The following GOSR1 variants were observed in gnomAD, a reference collection of about 807,000 sequenced individuals.
GOSR1 encodes the protein 28 kDa Golgi SNARE protein.
A neutral mutation model predicts 35.5 loss-of-function variants in GOSR1; 21 were observed. The observed-to-expected ratio is 0.59, with a 90% CI of 0.42 to 0.85. The LOEUF (loss-of-function observed/expected upper bound fraction) is 0.85, where lower values mean the gene tolerates loss of function less well. Among genes scored for constraint, GOSR1 ranks in the 40% least tolerant of loss-of-function variants. The pLI is 0.00. For missense variants in GOSR1, 285 were observed against 309.6 expected (o/e 0.92, Z 0.60); for synonymous variants, 94 against 106.6 (o/e 0.88, Z 0.73).
At chr17:30,498,575 C>A (rs1450445922) in intron 6 of GOSR1, among the ~76,000 whole-genome samples, 1 of 152,120 alleles carries the variant, frequency 6.6e-6, no homozygotes, top group African/African-American at 2.4e-5. Context: ...AGGTGTTCTC[C>A]AAGTAGAGAT....
intron 7 of GOSR1, among the ~76,000 whole-genome samples, chr17:30,512,329 C>A (rs1967644976): frequency 6.6e-6 from 1 of 152,084 alleles, no homozygotes; most frequent in Non-Finnish European, 1.5e-5. Context: ...CCAATCCTTT[C>A]TTTTTTAGCT....
At chr17:30,501,131 C>T (rs1308265193) in intron 6 of GOSR1, among the ~76,000 whole-genome samples, 6 of 152,046 alleles carry the variant, frequency 3.9e-5, no homozygotes, top group African/African-American at 7.2e-5. Flanking sequence ...CCGCCCGCCT[C>T]GGCCTCCCAA....
At position 30,519,935 on chromosome 17, in the gene GOSR1, G is replaced by A; in HGVS notation, c.540-4G>A. The A allele has an allele frequency of 6.4e-7, 1 of 1,574,202 alleles. No individual in the cohort carries two copies. ...TGATTTGTCATCTTTTTTTCCCCTT[G>A]CAGCATTGCTATGGCAACAAAAGAA... On this transcript the variant is annotated splice_region_variant and splice_polypyrimidine_tract_variant and intron_variant, in intron 7 of 8. Coordinates refer to ENST00000451249, the MANE Select transcript of GOSR1 (RefSeq NM_001007025.2).
At chr17:30,519,868 T>C (rs1967960837) in intron 7 of GOSR1, 71 bp from the exon 8 acceptor site, 3 of 923,762 alleles carry the variant, frequency 3.2e-6, no homozygotes, top group Admixed American at 2.0e-5. Flanking sequence ...TTTCTTTCAC[T>C]TTTAAAGGCA....
intron 5 of GOSR1, among the ~76,000 whole-genome samples, chr17:30,491,304 C>T (rs1375041965): frequency 6.6e-6 from 1 of 152,160 alleles, no homozygotes; most frequent in Non-Finnish European, 1.5e-5. Context: ...AAGATATGTT[C>T]ATCTATTCAT....
At position 30,519,968 on chromosome 17, in the gene GOSR1, C is replaced by G. The variant is rs1204878463; in HGVS notation, c.569C>G (p.Thr190Ser). Reference sequence around the variant, plus strand: ...GCTATGGCAACAAAAGAAAATATGACTTCACAGAGAGGAATGTTGAAGTCA... The same window carrying G: ...GCTATGGCAACAAAAGAAAATATGAGTTCACAGAGAGGAATGTTGAAGTCA... ...SIAMATKENM[T>S]SQRGMLKSIH... The change falls in exon 8 of 9, where the codon ACT becomes AGT. Residue 190 changes from threonine to serine, a missense_variant. Transcript: ENST00000451249. 6.2e-7 allele frequency: 1 copy of G among 1,609,540 alleles called. No individual in the cohort carries two copies. Among genetic ancestry groups the G allele is most frequent in the Non-Finnish European group, 8.5e-7 (1 of 1,176,318 alleles).
chr17:30,497,932 C>A (rs1213157479), intron 6 of GOSR1, among the ~76,000 whole-genome samples: 4 of 151,992 alleles, frequency 2.6e-5, no homozygotes, highest in Non-Finnish European at 4.4e-5. Context: ...GTGGCAGGCG[C>A]CTATAATCCC....
rs562954699 is a variant in GOSR1, at chr17:30,522,993, C to A, written c.*615C>A. On this transcript the variant is annotated 3_prime_UTR_variant, in exon 9 of 9. Transcript: ENST00000451249. ...GCCACGCCTGACTGCCTCGGCCTCC[C>A]GAGGTGCCGGGATTGCAGACGGAGT... is the stretch of plus-strand genomic sequence containing the variant. The A allele has an allele frequency of 9.7e-4, 204 of 209,310 alleles. 4 individuals carry two copies. In the South Asian group the frequency reaches 0.013, roughly 13 times the overall value. 13.0% of individuals were successfully genotyped at this position (209,310 alleles called of 1,614,324 possible). A position where few individuals can be genotyped will look rare whatever the true frequency, so the allele number is the denominator to read the frequency against.
chr17:30,519,852 T>C, intron 7 of GOSR1, 87 bp from the exon 8 acceptor site: 1 of 787,386 alleles, frequency 1.3e-6, no homozygotes, highest in Non-Finnish European at 2.2e-6. Context: ...TGTTGCTCAC[T>C]GTAGTTTTCT....
rs998543140 is a variant in GOSR1 at position 30,512,413 on chromosome 17, A to G, written c.539+1504A>G. 1.3e-5 allele frequency among the ~76,000 whole-genome samples: 2 copies of G among 152,276 alleles called. 1 individual carries two copies. The highest frequency in any genetic ancestry group is 2.9e-5 in the Non-Finnish European group (2 of 68,008). ...AGAAGTCCTATATACCCTTTACCCA[A>G]CTTCTACAAAGTTTAACATACATTG... On this transcript the variant is annotated intron_variant, in intron 7 of 8. Transcript: ENST00000451249.
At chr17:30,520,114 G>C (rs1466385964) in intron 8 of GOSR1, 93 bp downstream of exon 8, 1 of 778,884 alleles carries the variant, frequency 1.3e-6, no homozygotes, top group Non-Finnish European at 2.3e-6. Context: ...GCCATCATCA[G>C]TAGCAGTAGA....
At position 30,484,202 on chromosome 17, in the gene GOSR1, A is replaced by G. The variant is rs1011516535; in HGVS notation, c.147-12A>G. The G allele has an allele frequency of 2.1e-6, 3 of 1,451,238 alleles. No individual in the cohort carries two copies. The highest frequency in any genetic ancestry group is 2.9e-6 in the Non-Finnish European group (3 of 1,031,742). The allele number at this position is 1,451,238 out of a possible 1,614,324, so 89.9% of individuals were successfully genotyped here. A position where few individuals can be genotyped will look rare whatever the true frequency, so the allele number is the denominator to read the frequency against. On this transcript the variant is annotated splice_polypyrimidine_tract_variant and intron_variant, in intron 2 of 8. Transcript: ENST00000451249. The stretch of plus-strand genomic sequence containing the variant: ...TGAGTAATGGATCCTCTTTAACTGA[A>G]CTTCTTTTTAGTTCTGATACAACAC...
At chr17:30,482,055 TC>T (rs1470388666) in intron 2 of GOSR1, among the ~76,000 whole-genome samples, 1 of 152,054 alleles carries the variant, frequency 6.6e-6, no homozygotes, top group Non-Finnish European at 1.5e-5. Context: ...TGACCCTATC[TC>T]CCATTTTTAA....
At chr17:30,481,052 C>A in intron 1 of GOSR1, 91 bp from the exon 2 acceptor site, 1 of 846,324 alleles carries the variant, frequency 1.2e-6, no homozygotes, top group Non-Finnish European at 2.0e-6. Context: ...AGTATATGAT[C>A]ATTTTCATAG....
At chr17:30,509,323 C>T (rs1182103117) in intron 6 of GOSR1, among the ~76,000 whole-genome samples, 2 of 152,012 alleles carry the variant, frequency 1.3e-5, no homozygotes, top group African/African-American at 4.8e-5. Context: ...ATTGGCCAGG[C>T]TGGTCAAGAA....
At chr17:30,488,796 C>T (rs1914846813) in intron 4 of GOSR1, among the ~76,000 whole-genome samples, 1 of 152,034 alleles carries the variant, frequency 6.6e-6, no homozygotes, top group African/African-American at 2.4e-5. Flanking sequence ...CCTCAGCCTC[C>T]CAAAGTGCTG....
intron 1 of GOSR1, chr17:30,477,875 C>A (rs1881318177): frequency 1.0e-6 from 1 of 984,918 alleles, no homozygotes; most frequent in Non-Finnish European, 1.2e-6. Context: ...GAGCTGAGGT[C>A]ACTATTGGAA....
At position 30,484,659 on chromosome 17, in the gene GOSR1, C is replaced by A. The variant is rs1448825540; in HGVS notation, c.235-4C>A. ...TTGATTGTTTTTTTTTTCTTTATTT[C>A]TAGCTTACAGGGGTAAATGATAAAA... On this transcript the variant is annotated splice_region_variant and splice_polypyrimidine_tract_variant and intron_variant, in intron 3 of 8. Coordinates refer to ENST00000451249, the MANE Select transcript of GOSR1 (RefSeq NM_001007025.2). 12 of 1,358,852 alleles carry A rather than the reference C, an allele frequency of 8.8e-6. No individual in the cohort carries two copies. The highest frequency in any genetic ancestry group is 1.1e-5 in the Non-Finnish European group (11 of 988,972). 84.2% of individuals were successfully genotyped at this position (1,358,852 alleles called of 1,614,324 possible).
intron 6 of GOSR1, among the ~76,000 whole-genome samples, chr17:30,494,831 C>T (rs1966934573): frequency 6.6e-6 from 1 of 151,650 alleles, no homozygotes; most frequent in Non-Finnish European, 1.5e-5. Flanking sequence ...TGGTCTTGAA[C>T]TCCTAACTTC....
Sources: allele counts gnomAD v4.1 joint callset (sites outside exome capture counted in the v4.1 genomes callset), GRCh38; gene constraint gnomAD v4.1.1; transcripts MANE v1.5; gene names NCBI Gene and HGNC (gene_info 2026-07-23, HGNC 2026-07-21).